Variants in COL24A1 observed in about 807,000 individuals in gnomAD.
COL24A1 encodes the protein collagen alpha-1(XXIV) chain.
COL24A1 carries 224 observed loss-of-function variants against 253.9 expected under a neutral mutation model. The ratio of observed to expected loss-of-function variants is 0.88; its 90% CI spans 0.79 to 0.99. The LOEUF (loss-of-function observed/expected upper bound fraction) is 0.99. Among genes scored for constraint, COL24A1 ranks in the 50% least tolerant of loss-of-function variants. COL24A1 has a pLI of 0.00. For synonymous variants in COL24A1, 685 were observed against 673.7 expected (o/e 1.02, Z -0.26); for missense variants, 2,131 against 2,068.5 (o/e 1.03, Z -0.59).
intron 47 of COL24A1, among the ~76,000 whole-genome samples, chr1:85,796,688 A>T (rs1670837997): frequency 6.6e-6 from 1 of 152,172 alleles, no homozygotes; most frequent in South Asian, 2.1e-4. Context: ...TGTAAGCTTA[A>T]CCATTTATAT....
At chr1:85,839,313 A>C (rs1676359664) in intron 42 of COL24A1, among the ~76,000 whole-genome samples, 1 of 152,228 alleles carries the variant, frequency 6.6e-6, no homozygotes, top group African/African-American at 2.4e-5. Flanking sequence ...AAATGATTGA[A>C]AAAGATTTAA....
chr1:86,071,745 A>G (rs1416361376), intron 7 of COL24A1, among the ~76,000 whole-genome samples: 1 of 152,184 alleles, frequency 6.6e-6, no homozygotes, highest in Non-Finnish European at 1.5e-5. Context: ...TAAAGAAAAC[A>G]TTACTGGAGC....
intron 47 of COL24A1, among the ~76,000 whole-genome samples, chr1:85,808,674 A>G (rs1672227759): frequency 6.6e-6 from 1 of 152,210 alleles, no homozygotes; most frequent in Non-Finnish European, 1.5e-5. Context: ...AAGCACCCTA[A>G]AGGTGTACCA....
intron 22 of COL24A1, among the ~76,000 whole-genome samples, chr1:85,968,682 T>C (rs945320187): frequency 6.6e-6 from 1 of 150,472 alleles, no homozygotes; most frequent in Non-Finnish European, 1.5e-5. Context: ...TTTCCACTGG[T>C]TGGTAAGAGC....
intron 10 of COL24A1, among the ~76,000 whole-genome samples, chr1:86,055,793 G>A (rs1389756932): frequency 1.3e-5 from 2 of 152,110 alleles, no homozygotes; most frequent in African/African-American, 4.8e-5. Context: ...AGCACAGAGA[G>A]ACTGAATAAC....
At chr1:86,008,754 AT>A (rs1696209402) in intron 19 of COL24A1, among the ~76,000 whole-genome samples, 1 of 152,168 alleles carries the variant, frequency 6.6e-6, no homozygotes, top group African/African-American at 2.4e-5. Flanking sequence ...TGGAAAATCA[AT>A]GGCAAAACGA....
intron 33 of COL24A1, among the ~76,000 whole-genome samples, chr1:85,876,426 T>C (rs1681172979): frequency 2.0e-5 from 3 of 152,164 alleles, no homozygotes; most frequent in South Asian, 4.1e-4. Context: ...TTGGTTTAGA[T>C]ATTTTGAATT....
intron 8 of COL24A1, among the ~76,000 whole-genome samples, chr1:86,061,187 A>T (rs1231912530): frequency 6.6e-6 from 1 of 152,044 alleles, no homozygotes; most frequent in African/African-American, 2.4e-5. Flanking sequence ...AGTGCAAAAA[A>T]CATCCAATAG....
At chr1:85,731,423 T>C (rs1663459130) in intron 59 of COL24A1, among the ~76,000 whole-genome samples, 1 of 152,202 alleles carries the variant, frequency 6.6e-6, no homozygotes, top group Admixed American at 6.5e-5. Context: ...TTAGAGATTA[T>C]TTAAGCTATA....
chr1:85,970,492 T>C (rs1486682679), intron 21 of COL24A1, among the ~76,000 whole-genome samples: 1 of 150,090 alleles, frequency 6.7e-6, no homozygotes, highest in African/African-American at 2.4e-5. Flanking sequence ...ACTATATGGG[T>C]GGATAGAGAC....
intron 5 of COL24A1, among the ~76,000 whole-genome samples, chr1:86,093,847 T>A (rs150621555): frequency 1.3e-5 from 2 of 152,050 alleles, no homozygotes; most frequent in African/African-American, 4.8e-5. Flanking sequence ...AAGAAACTTT[T>A]CAAAAGAGGA....
intron 35 of COL24A1, 78 bp from the exon 36 acceptor site, chr1:85,868,913 A>C (rs1329433135): frequency 1.0e-6 from 1 of 1,002,100 alleles, no homozygotes. Flanking sequence ...AGCCCATAGT[A>C]TATATGGAAA....
At chr1:86,095,807 T>A (rs997687651) in intron 5 of COL24A1, among the ~76,000 whole-genome samples, 1 of 152,110 alleles carries the variant, frequency 6.6e-6, no homozygotes, top group African/African-American at 2.4e-5. Context: ...GAAAAGGAAA[T>A]TGCCTATTCT....
At chr1:85,877,850 A>G (rs1681361996) in intron 32 of COL24A1, among the ~76,000 whole-genome samples, 1 of 152,204 alleles carries the variant, frequency 6.6e-6, no homozygotes, top group Admixed American at 6.5e-5. Context: ...TCATTCATCT[A>G]CTTAAAATTC....
Position 85,761,320 on chromosome 1 carries a change from T to C in COL24A1, c.4437+76A>G, listed in dbSNP as rs1292312113. 7.2e-6 allele frequency: 11 copies of C among 1,519,522 alleles called. No individual in the cohort carries two copies. In the East Asian group the frequency reaches 2.4e-4, roughly 33 times the overall value. 94.1% of individuals were successfully genotyped at this position (1,519,522 alleles called of 1,614,324 possible). A position where few individuals can be genotyped will look rare whatever the true frequency, so the allele number is the denominator to read the frequency against. On this transcript the variant is annotated intron_variant, in intron 55 of 59. Coordinates refer to ENST00000370571, the MANE Select transcript of COL24A1 (RefSeq NM_152890.7). ...AAAAGGGATACCTTTTAATAGAGAG[T>C]TAACAGAAGGATATTTAAAAAGTTA...
intron 24 of COL24A1, among the ~76,000 whole-genome samples, chr1:85,926,091 C>T (rs1315739266): frequency 7.9e-5 from 12 of 152,284 alleles, no homozygotes; most frequent in African/African-American, 2.9e-4. Flanking sequence ...TCATCACTGG[C>T]CATCAGAGAA....
intron 43 of COL24A1, among the ~76,000 whole-genome samples, chr1:85,826,264 G>T (rs1210423024): frequency 2.1e-5 from 3 of 145,998 alleles, no homozygotes; most frequent in African/African-American, 7.6e-5. Flanking sequence ...TGAGGGCTCT[G>T]TTCTGTTCCA....
chr1:85,866,977 T>C (rs191008693), intron 37 of COL24A1, among the ~76,000 whole-genome samples: 1 of 152,334 alleles, frequency 6.6e-6, no homozygotes, highest in Non-Finnish European at 1.5e-5. Flanking sequence ...TTATCTTCAT[T>C]CTTCAAATGT....
At position 86,125,346 on chromosome 1, in the gene COL24A1, A is replaced by G. The variant is rs1648097069; in HGVS notation, c.990T>C (p.His330=). ...TGATCATTTCTTTGGCCTGAATCCC[A>G]TGGTTTGTGAGATCCACAGCAGAGA... The part of the protein sequence containing the change: ...GNVSAVDLTN[H]GIQAKEMITE... The change falls in exon 3 of 60, where the codon CAT becomes CAC. Residue 330 remains histidine, a synonymous_variant. Coordinates refer to ENST00000370571, the MANE Select transcript of COL24A1 (RefSeq NM_152890.7). 2.5e-6 allele frequency: 4 copies of G among 1,613,658 alleles called. No individual in the cohort carries two copies. Among genetic ancestry groups the G allele is most frequent in the Non-Finnish European group, 3.4e-6 (4 of 1,179,808 alleles).
Sources: allele counts gnomAD v4.1 joint callset (sites outside exome capture counted in the v4.1 genomes callset), GRCh38; gene constraint gnomAD v4.1.1; transcripts MANE v1.5; gene names NCBI Gene and HGNC (gene_info 2026-07-23, HGNC 2026-07-21).